ZNF608: variants seen among roughly 807,000 people sequenced by gnomAD.
ZNF608 encodes renal carcinoma antigen NY-REN-36.
In ZNF608, 12 loss-of-function variants were observed where a neutral mutation model predicts 109.0. The observed-to-expected ratio is 0.11, with a 90% CI of 0.07 to 0.18. The LOEUF is 0.18. Among genes scored for constraint, ZNF608 ranks in the 10% least tolerant of loss-of-function variants. The pLI is 1.00. For synonymous variants in ZNF608, 732 were observed against 717.4 expected, an observed-to-expected ratio of 1.02 and a Z score of -0.33; for missense variants, 1,707 against 1,879.3, an observed-to-expected ratio of 0.91 and a Z score of 1.70.
In ZNF608 at chr5:124,670,920, CT is replaced by C. The variant is rs1751689295; in HGVS notation, c.1163-21224del. On this transcript the variant is annotated intron_variant, in intron 3 of 9. Transcript: ENST00000513986. ...TCTTAGATAGAAAACTTTCTACCCC[CT>C]CCCCTTCTCCTTTGGAAATTTGGTA... Among the ~76,000 whole-genome samples the C allele has an allele frequency of 2.0e-5, 3 of 152,196 alleles. 1 individual carries two copies. The South Asian group carries it at 6.2e-4, about 31-fold the overall frequency.
At chr5:124,747,821 C>T (rs1228874391), upstream of ZNF608, among the ~76,000 whole-genome samples, 1 of 152,166 alleles carries the variant, frequency 6.6e-6, no homozygotes. Context: ...CCCAAGGGGC[C>T]AGGGACGGGG....
chr5:124,671,099 T>G (rs1026154520), intron 3 of ZNF608, among the ~76,000 whole-genome samples: 1 of 152,090 alleles, frequency 6.6e-6, no homozygotes, highest in Non-Finnish European at 1.5e-5. Flanking sequence ...CAGCTGGAGA[T>G]CTCCGTGAAT....
At chr5:124,700,827 T>A (rs1753021382) in intron 3 of ZNF608, among the ~76,000 whole-genome samples, 187 bp downstream of exon 3, 1 of 152,228 alleles carries the variant, frequency 6.6e-6, no homozygotes, top group African/African-American at 2.4e-5. Context: ...TCATCTGCAA[T>A]TTAAAAGCAG....
intron 3 of ZNF608, among the ~76,000 whole-genome samples, chr5:124,677,730 C>A (rs1026435814): frequency 5.3e-5 from 8 of 152,156 alleles, no homozygotes. Flanking sequence ...AACCAGACTC[C>A]ATGATGCAAC....
intron 2 of ZNF608, among the ~76,000 whole-genome samples, chr5:124,704,361 C>T (rs1017769589): frequency 6.6e-6 from 1 of 152,126 alleles, no homozygotes; most frequent in African/African-American, 2.4e-5. Flanking sequence ...ACCAGCACTA[C>T]CAGTGAGAGG....
intron 3 of ZNF608, among the ~76,000 whole-genome samples, chr5:124,660,094 G>C (rs1325507314): frequency 6.6e-6 from 1 of 152,140 alleles, no homozygotes; most frequent in Non-Finnish European, 1.5e-5. Context: ...TGATCACTCT[G>C]CTATTATTCC....
At chr5:124,707,745 T>C (rs778709342) in intron 2 of ZNF608, 1 of 152,214 alleles carries the variant, frequency 6.6e-6, no homozygotes, top group Non-Finnish European at 1.5e-5. Flanking sequence ...CTGCCTGACG[T>C]CACTGCTTCT....
At chr5:124,716,384 C>T (rs1753707327) in intron 2 of ZNF608, among the ~76,000 whole-genome samples, 1 of 150,846 alleles carries the variant, frequency 6.6e-6, no homozygotes, top group South Asian at 2.1e-4. Flanking sequence ...TTTAAATAAG[C>T]AGCTTAGTTA....
chr5:124,661,081 A>G (rs1381744616), intron 3 of ZNF608, among the ~76,000 whole-genome samples: 1 of 152,210 alleles, frequency 6.6e-6, no homozygotes, highest in East Asian at 1.9e-4. Flanking sequence ...ATTTCAAATG[A>G]TATAAAATTT....
At chr5:124,673,333 G>T (rs776632420) in intron 3 of ZNF608, among the ~76,000 whole-genome samples, 12 of 152,134 alleles carry the variant, frequency 7.9e-5, no homozygotes, top group Non-Finnish European at 1.6e-4. Flanking sequence ...ATACAGATAC[G>T]TAGATATCTC....
At chr5:124,663,984 T>C (rs1751379018) in intron 3 of ZNF608, among the ~76,000 whole-genome samples, 1 of 152,364 alleles carries the variant, frequency 6.6e-6, no homozygotes, top group East Asian at 1.9e-4. Context: ...GTCCTGTATC[T>C]GTAGCTTAAA....
At chr5:124,702,912 T>A (rs1159731551) in intron 2 of ZNF608, among the ~76,000 whole-genome samples, 2 of 152,218 alleles carry the variant, frequency 1.3e-5, no homozygotes, top group Admixed American at 6.5e-5. Flanking sequence ...TTCACACTGA[T>A]AGTTCTTATT....
chr5:124,747,307 G>A (rs1412547017), upstream of ZNF608, among the ~76,000 whole-genome samples: 1 of 151,452 alleles, frequency 6.6e-6, no homozygotes, highest in Admixed American at 6.6e-5. Context: ...AGATGGCCCC[G>A]GAGCTTGGCT....
At chr5:124,711,770 G>T (rs1251355158) in intron 2 of ZNF608, among the ~76,000 whole-genome samples, 3 of 152,204 alleles carry the variant, frequency 2.0e-5, no homozygotes, top group Non-Finnish European at 4.4e-5. Context: ...CCAAGGGGGT[G>T]GGGCAGGGAC....
At chr5:124,651,800 G>C (rs1016592983) in intron 3 of ZNF608, among the ~76,000 whole-genome samples, 23 of 152,258 alleles carry the variant, frequency 1.5e-4, no homozygotes, top group Non-Finnish European at 2.9e-5. Flanking sequence ...CCGGAGCACA[G>C]AGGCAGCGGT....
At chr5:124,677,068 T>C (rs1561553292) in intron 3 of ZNF608, among the ~76,000 whole-genome samples, 4 of 152,238 alleles carry the variant, frequency 2.6e-5, no homozygotes, top group Non-Finnish European at 5.9e-5. Flanking sequence ...ATCTTATGCA[T>C]ATGTTTTAAA....
chr5:124,723,923 T>C (rs1754036271), intron 2 of ZNF608, among the ~76,000 whole-genome samples: 1 of 152,156 alleles, frequency 6.6e-6, no homozygotes, highest in Non-Finnish European at 1.5e-5. Flanking sequence ...AAATTATCAA[T>C]ATTTAGGAAA....
At chr5:124,641,503 G>T in intron 7 of ZNF608, 98 bp from the exon 8 acceptor site, 1 of 1,253,332 alleles carries the variant, frequency 8.0e-7, no homozygotes, top group Non-Finnish European at 1.1e-6. Context: ...TTGTGTTAAT[G>T]ATTAAAAAGT....
In ZNF608 at chr5:124,648,509, C is replaced by T. The variant is rs552895289; in HGVS notation, c.1875G>A (p.Pro625=). 547 of 1,614,168 alleles carry T rather than the reference C, an allele frequency of 3.4e-4. 7 individuals carry two copies. The South Asian group carries it at 5.6e-3, about 16-fold the overall frequency. The change falls in exon 5 of 10, where the codon CCG becomes CCA. Residue 625 remains proline, a synonymous_variant. Transcript: ENST00000513986. ...SVSAYDQLKA[P]ASPGAGNPPG... is the part of the protein sequence containing the mutation. ...GTGGGTTTCCAGCACCAGGGGATGC[C>T]GGTGCCTTCAACTGGTCATAAGCAG...
Sources: allele counts gnomAD v4.1 joint callset (sites outside exome capture counted in the v4.1 genomes callset), GRCh38; gene constraint gnomAD v4.1.1; transcripts MANE v1.5; gene names NCBI Gene and HGNC (gene_info 2026-07-23, HGNC 2026-07-21).